ACIN1: variants seen among roughly 807,000 people sequenced by gnomAD.
The protein encoded by ACIN1 is apoptotic chromatin condensation inducer in the nucleus.
A neutral mutation model predicts 146.6 loss-of-function variants in ACIN1; 16 were observed. The ratio of observed to expected loss-of-function variants is 0.11; its 90% CI spans 0.07 to 0.17. The LOEUF is 0.17. Among genes scored for constraint, ACIN1 ranks in the 10% least tolerant of loss-of-function variants. ACIN1 has a pLI of 1.00. For missense variants in ACIN1, 1,357 were observed against 1,609.3 expected, an observed-to-expected ratio of 0.84 and a Z score of 2.68; for synonymous variants, 569 against 582.7, an observed-to-expected ratio of 0.98 and a Z score of 0.34.
intron 14 of ACIN1, 199 bp downstream of exon 14, chr14:23,062,730 C>T (rs2047327342): frequency 2.5e-6 from 2 of 805,810 alleles, no homozygotes; most frequent in Non-Finnish European, 3.9e-6. Flanking sequence ...TCTGCAAGTC[C>T]TCAAAACAAC....
Position 23,059,137 on chromosome 14 carries a change from T to G in ACIN1, c.*11A>C, listed in dbSNP as rs766189020. On this transcript the variant is annotated 3_prime_UTR_variant, in exon 19 of 19. Coordinates refer to ENST00000605057, the MANE Select transcript of ACIN1 (RefSeq NM_001386863.1). ...GAGTGGCTGGTACCTGCAGCTCTAGTGTTTTCCCAGCTAGCGGCGCCCACC... is the reference window on the plus strand; with the variant it reads ...GAGTGGCTGGTACCTGCAGCTCTAGGGTTTTCCCAGCTAGCGGCGCCCACC... 1.2e-6 allele frequency: 2 copies of G among 1,611,864 alleles called. No individual in the cohort carries two copies. Among genetic ancestry groups the G allele is most frequent in the African/African-American group, 2.7e-5 (2 of 74,846 alleles).
rs1419754168 is a variant in ACIN1, at chr14:23,061,306, T to C, written c.3416A>G (p.Glu1139Gly). Residue 1139 changes from glutamate (E) to glycine (G), a missense_variant, in exon 17 of 19, where the codon GAG becomes GGG. By Grantham distance (98) the Glu-to-Gly change is moderately conservative. Transcript: ENST00000605057. ...ERAKSKEKKS[E>G]KKEKAQEEPP... is the part of the protein sequence containing the mutation. ...CATAGCTAAGTACCTACCTTTCTTCTCACTCTTCTTTTCTTTAGACTTCGC... is the reference window on the plus strand; with the variant it reads ...CATAGCTAAGTACCTACCTTTCTTCCCACTCTTCTTTTCTTTAGACTTCGC... 1.9e-6 allele frequency: 3 copies of C among 1,613,728 alleles called. No individual in the cohort carries two copies. The highest frequency in any genetic ancestry group is 2.5e-6 in the Non-Finnish European group (3 of 1,179,788).
chr14:23,071,288 C>A, intron 8 of ACIN1: 2 of 1,499,164 alleles, frequency 1.3e-6, no homozygotes, highest in Non-Finnish European at 1.8e-6. Flanking sequence ...CACCTCCTCC[C>A]CAGCCACCCG....
chr14:23,063,658 G>A, intron 12 of ACIN1, 81 bp from the exon 13 acceptor site: 2 of 1,513,812 alleles, frequency 1.3e-6, no homozygotes, highest in Non-Finnish European at 1.8e-6. Flanking sequence ...TCCCCGGTAA[G>A]AGTAGCAGTC....
At chr14:23,065,194 A>C (rs1566735532) in intron 10 of ACIN1, among the ~76,000 whole-genome samples, 1 of 152,250 alleles carries the variant, frequency 6.6e-6, no homozygotes, top group Non-Finnish European at 1.5e-5. Context: ...AACATCTATT[A>C]TACTTTTGTA....
At chr14:23,072,226 G>T (rs1187175024) in intron 8 of ACIN1, among the ~76,000 whole-genome samples, 1 of 152,126 alleles carries the variant, frequency 6.6e-6, no homozygotes, top group Non-Finnish European at 1.5e-5. Context: ...ACCAGTAGAA[G>T]GGGGGCAGGG....
chr14:23,071,088 CG>C (rs1566741092), intron 8 of ACIN1: 1 of 1,538,902 alleles, frequency 6.5e-7, no homozygotes, highest in South Asian at 1.2e-5. Flanking sequence ...GCTAGGGCGG[CG>C]GGGAAAAGGC....
chr14:23,064,929 G>A (rs1221888332), intron 10 of ACIN1, among the ~76,000 whole-genome samples: 1 of 149,950 alleles, frequency 6.7e-6, no homozygotes, highest in African/African-American at 2.5e-5. Context: ...TCATATTTGG[G>A]AACTGGGGAA....
chr14:23,084,805 G>A lies in ACIN1; in HGVS notation c.437-2969C>T, dbSNP rs116569911. On this transcript the variant is annotated intron_variant, in intron 4 of 18. Coordinates refer to ENST00000605057, the MANE Select transcript of ACIN1 (RefSeq NM_001386863.1). ...ACAGGATATATGATTAGAATATATA[G>A]TGAAAGGCCAGACTCTTTAGCAAAC... 3.5e-3 allele frequency among the ~76,000 whole-genome samples: 529 copies of A among 152,286 alleles called. 4 individuals carry two copies. The highest frequency in any genetic ancestry group is 0.012 in the African/African-American group (479 of 41,558).
chr14:23,071,145 CATG>C, intron 8 of ACIN1: 1 of 1,551,630 alleles, frequency 6.4e-7, no homozygotes, highest in Non-Finnish European at 8.7e-7. Flanking sequence ...TTTCTGATAA[CATG>C]ATTTTTTTTC....
chr14:23,092,570 C>T (rs1396217091), intron 2 of ACIN1, among the ~76,000 whole-genome samples: 2 of 152,172 alleles, frequency 1.3e-5, no homozygotes, highest in African/African-American at 2.4e-5. Context: ...TTGTTTTCCA[C>T]AGTATCCTGA....
intron 3 of ACIN1, 140 bp from the exon 4 acceptor site, chr14:23,090,241 A>T (rs1285603490): frequency 8.4e-7 from 1 of 1,188,166 alleles, no homozygotes; most frequent in African/African-American, 1.5e-5. Context: ...AAAAGAAAAA[A>T]CTCCCTGGGA....
chr14:23,090,266 A>G (rs1403111029), intron 3 of ACIN1, among the ~76,000 whole-genome samples, 165 bp from the exon 4 acceptor site: 3 of 152,232 alleles, frequency 2.0e-5, no homozygotes, highest in African/African-American at 4.8e-5. Context: ...GCTCTACTTC[A>G]TCTAAATGGT....
chr14:23,081,757 C>A lies in ACIN1; in HGVS notation c.516G>T (p.Arg172Ser), dbSNP rs375038243. 4 of 1,612,386 alleles carry A rather than the reference C, an allele frequency of 2.5e-6. No individual in the cohort carries two copies. In the African/African-American group the frequency reaches 5.3e-5, roughly 22 times the overall value. ...KPRKGERRSS[R>S]VRQARAAKLS... ...GAGGTATCTGAGTTACCTGTCTGAC[C>A]CTAGATGATCGTCTTTCTCCTTTCC... Residue 172 changes from arginine to serine, a missense_variant, in exon 5 of 19, where the codon AGG (arginine) becomes AGT (serine). By Grantham distance (110) the Arg-to-Ser change is moderately radical. Around this residue, in one of 4 missense-constraint regions of ACIN1, gnomAD observed 771 missense variants for 746.6 expected, o/e 1.03. Transcript: ENST00000605057.
intron 8 of ACIN1, among the ~76,000 whole-genome samples, chr14:23,071,775 C>A (rs963357984): frequency 6.6e-6 from 1 of 151,878 alleles, no homozygotes; most frequent in Admixed American, 6.6e-5. Context: ...CCCTCCTGGT[C>A]TTCCCAGGGG....
rs556723668 is a variant in ACIN1 at position 23,074,000 on chromosome 14, G to A, written c.2123+4151C>T. On this transcript the variant is annotated intron_variant, in intron 8 of 18. Transcript: ENST00000605057. ...ACTACAGGCACCCTCCATTACACCC[G>A]GCTAATTTTTTGTATTTTTAGTAGA... is the stretch of plus-strand genomic sequence containing the variant. 7.9e-4 allele frequency among the ~76,000 whole-genome samples: 119 copies of A among 151,492 alleles called. 2 individuals are homozygous for A. In the South Asian group the frequency reaches 0.014, roughly 18 times the overall value.
At chr14:23,091,953 C>T (rs2048241412) in intron 2 of ACIN1, among the ~76,000 whole-genome samples, 1 of 152,146 alleles carries the variant, frequency 6.6e-6, no homozygotes, top group Non-Finnish European at 1.5e-5. Context: ...TATCAAACAA[C>T]TCCAAAATTC....
At position 23,068,014 on chromosome 14, in the gene ACIN1, G is replaced by A. The variant is rs1351606067; in HGVS notation, c.2265+1462C>T. 3 of 985,774 alleles carry A rather than the reference G, an allele frequency of 3.0e-6. No individual in the cohort carries two copies. The highest frequency in any genetic ancestry group is 1.2e-4 in the Admixed American group (2 of 16,270). 61.1% of individuals were successfully genotyped at this position (985,774 alleles called of 1,614,324 possible). On this transcript the variant is annotated intron_variant, in intron 9 of 18. Transcript: ENST00000605057. The surrounding 1 kb of genome is among the most constrained non-coding windows in gnomAD (Gnocchi z 4.3). ...TGGATGAAATGAGTCCCTGCCTCCA[G>A]GGATGGAGGAGAAGTTGGAGCAACC...
At chr14:23,062,750 C>T (rs2047328129) in intron 14 of ACIN1, 179 bp downstream of exon 14, 2 of 881,722 alleles carry the variant, frequency 2.3e-6, no homozygotes, top group Non-Finnish European at 3.4e-6. Context: ...CCCTGCAGGG[C>T]AACAGCTTTT....
Sources: gnomAD v4.1 joint callset for allele counts (sites outside exome capture counted in the v4.1 genomes callset) on GRCh38, gnomAD v4.1.1 for gene constraint, gnomAD v4.1.1 regional missense constraint, Gnocchi (gnomAD v3.1) non-coding constraint, MANE v1.5 for transcripts, NCBI Gene and HGNC (gene_info 2026-07-23, HGNC 2026-07-21) for gene names.